GRIP1: variants seen among roughly 807,000 people sequenced by gnomAD.
The protein encoded by GRIP1 is glutamate receptor interacting protein 1, also known as glutamate receptor-interacting protein 1.
In GRIP1, 45 loss-of-function variants were observed where a neutral mutation model predicts 129.9. That is an observed-to-expected ratio of 0.35 (90% CI 0.27 to 0.44). The LOEUF is 0.44. Ranked by LOEUF, GRIP1 falls within the 20% of genes least tolerant of loss-of-function variation. GRIP1 has a pLI of 1.00. For synonymous variants in GRIP1, 530 were observed against 520.8 expected (o/e 1.02, Z -0.24); for missense variants, 1,196 against 1,396.8 (o/e 0.86, Z 2.29).
intron 1 of GRIP1, among the ~76,000 whole-genome samples, chr12:66,795,938 A>G (rs2038682616): frequency 1.3e-5 from 2 of 152,218 alleles, no homozygotes. Flanking sequence ...ACATTTTAGT[A>G]TCCTCTGATG....
chr12:66,641,431 A>G (rs1393298636), intron 1 of GRIP1, among the ~76,000 whole-genome samples: 1 of 152,220 alleles, frequency 6.6e-6, no homozygotes. Flanking sequence ...ATTCTTATTT[A>G]GTTTTTAAAT....
intron 19 of GRIP1, among the ~76,000 whole-genome samples, chr12:66,386,252 A>C (rs1183513974): frequency 6.6e-6 from 1 of 152,224 alleles, no homozygotes; most frequent in Non-Finnish European, 1.5e-5. Context: ...GTACTAATAC[A>C]GATTAATATT....
chr12:66,811,604 T>TTC (rs749619457), intron 1 of GRIP1, among the ~76,000 whole-genome samples: 16 of 151,068 alleles, frequency 1.1e-4, no homozygotes, highest in South Asian at 8.3e-4. Flanking sequence ...CTCTCTCTGA[T>TTC]TCTCTCTCTC....
intron 1 of GRIP1, among the ~76,000 whole-genome samples, chr12:66,605,937 T>G (rs1372449876): frequency 1.3e-5 from 2 of 152,166 alleles, no homozygotes; most frequent in Non-Finnish European, 2.9e-5. Context: ...TAGTATATAT[T>G]TATAACCTTG....
intron 6 of GRIP1, 131 bp downstream of exon 6, chr12:66,517,770 T>A: frequency 1.4e-6 from 1 of 694,496 alleles, no homozygotes; most frequent in Non-Finnish European, 2.6e-6. Flanking sequence ...AGACTCTCAA[T>A]TTTCACATTG....
At chr12:66,426,114 T>C (rs1177826406) in intron 14 of GRIP1, among the ~76,000 whole-genome samples, 2 of 152,200 alleles carry the variant, frequency 1.3e-5, no homozygotes, top group Admixed American at 1.3e-4. Flanking sequence ...CTTCGTCCAG[T>C]GTTCTCAGAT....
intron 1 of GRIP1, among the ~76,000 whole-genome samples, chr12:67,044,110 C>T (rs1312399208): frequency 6.6e-6 from 1 of 152,154 alleles, no homozygotes; most frequent in Non-Finnish European, 1.5e-5. Flanking sequence ...TAGAAAACCA[C>T]ACTAATGCTT....
chr12:67,050,989 C>G (rs1056002215), intron 1 of GRIP1, among the ~76,000 whole-genome samples: 2 of 152,122 alleles, frequency 1.3e-5, no homozygotes, highest in African/African-American at 2.4e-5. Flanking sequence ...TATCCTGAGA[C>G]TTAGGCAGAT....
In GRIP1 at chr12:66,444,598, T is replaced by C. The variant is rs747549363; in HGVS notation, c.1673A>G (p.Glu558Gly). The C allele has an allele frequency of 6.2e-7, 1 of 1,610,208 alleles. No homozygotes were observed. The highest frequency in any genetic ancestry group is 8.5e-7 in the Non-Finnish European group (1 of 1,177,804). ...SITSKVTLEIEFDVAESVIPS... is the reference protein window; with the variant it reads ...SITSKVTLEIGFDVAESVIPS... ...TATGATTATACCTGCAACATCAAAC[T>C]CGATTTCCAGTGTGACCTTGCTCGT... The change falls in exon 13 of 25, where the codon GAG becomes GGG. Residue 558 changes from glutamate to glycine, a missense_variant. This residue lies in a region of GRIP1 where 508 missense variants were observed against 587.0 expected (regional missense o/e 0.87). Coordinates refer to ENST00000359742, the MANE Select transcript of GRIP1 (RefSeq NM_001366722.1).
In GRIP1 at chr12:66,349,275, T is replaced by C. The variant is rs200793965; in HGVS notation, c.3160-29A>G. ...AAAGGTCAAGAACAGCCATTTTGAA[T>C]TATCGTTGTAACCATAATTCCCAAA... is the stretch of plus-strand genomic sequence containing the variant. On this transcript the variant is annotated intron_variant, in intron 24 of 24. Transcript: ENST00000359742. 14 of 1,542,156 alleles carry C rather than the reference T, an allele frequency of 9.1e-6. No homozygotes were observed. In the East Asian group the frequency reaches 2.9e-4, roughly 32 times the overall value.
At chr12:66,406,849 G>C (rs535892166) in intron 15 of GRIP1, among the ~76,000 whole-genome samples, 7 of 152,290 alleles carry the variant, frequency 4.6e-5, no homozygotes, top group South Asian at 4.1e-4. Context: ...AATAGAGTTA[G>C]TGGAAGCCTA....
intron 15 of GRIP1, among the ~76,000 whole-genome samples, chr12:66,420,307 A>C (rs2057759302): frequency 6.6e-6 from 1 of 152,146 alleles, no homozygotes; most frequent in Non-Finnish European, 1.5e-5. Context: ...AACATTTTAA[A>C]ACTCAAGAAT....
intron 1 of GRIP1, among the ~76,000 whole-genome samples, chr12:66,971,256 C>T (rs779581604): frequency 3.3e-5 from 5 of 152,138 alleles, no homozygotes; most frequent in Non-Finnish European, 5.9e-5. Context: ...CCTGAGATTG[C>T]TGACAGTTCC....
Position 66,715,488 on chromosome 12 carries a change from G to A in GRIP1, c.-419-85152C>T, listed in dbSNP as rs1020506817. Among the ~76,000 whole-genome samples the A allele has an allele frequency of 3.3e-5, 5 of 150,586 alleles. No homozygotes were observed. In the East Asian group the frequency reaches 9.8e-4, roughly 30 times the overall value. On this transcript the variant is annotated intron_variant, in intron 1 of 4. Transcript: ENST00000538373. ...TGTGTGTGTGAGAGAGAGAGAGAGA[G>A]AGAGAGAGAGAGAGAGAGAGAGAGA...
At chr12:66,658,469 C>T (rs1390001645) in intron 1 of GRIP1, among the ~76,000 whole-genome samples, 2 of 152,030 alleles carry the variant, frequency 1.3e-5, no homozygotes, top group African/African-American at 2.4e-5. Context: ...AACTTAAAAT[C>T]CTTCATCTAG....
chr12:66,522,188 C>T (rs531675260), intron 5 of GRIP1, among the ~76,000 whole-genome samples: 1 of 152,334 alleles, frequency 6.6e-6, no homozygotes, highest in Admixed American at 6.5e-5. Flanking sequence ...GATCTGAGAA[C>T]AGGCAAACTG....
intron 1 of GRIP1, among the ~76,000 whole-genome samples, chr12:66,729,244 C>T (rs2036352885): frequency 6.6e-6 from 1 of 151,994 alleles, no homozygotes; most frequent in Non-Finnish European, 1.5e-5. Context: ...GGAAAAGGCA[C>T]ATATTATCTG....
intron 2 of GRIP1, among the ~76,000 whole-genome samples, chr12:66,584,230 G>A (rs984622242): frequency 6.0e-5 from 9 of 149,670 alleles, no homozygotes; most frequent in Admixed American, 2.7e-4. Flanking sequence ...GACACAGGAA[G>A]GGGAACATCA....
intron 1 of GRIP1, among the ~76,000 whole-genome samples, chr12:66,927,847 A>C (rs2041321010): frequency 6.6e-6 from 1 of 152,170 alleles, no homozygotes; most frequent in Admixed American, 6.5e-5. Flanking sequence ...TGATCATTTT[A>C]TTAGCCTTGG....
Sources: gnomAD v4.1 joint callset for allele counts (sites outside exome capture counted in the v4.1 genomes callset) on GRCh38, gnomAD v4.1.1 for gene constraint, gnomAD v4.1.1 regional missense constraint, MANE v1.5 for transcripts, NCBI Gene and HGNC (gene_info 2026-07-23, HGNC 2026-07-21) for gene names.